Variants in IGSF1 observed in about 807,000 individuals in gnomAD.
IGSF1 encodes immunoglobulin superfamily member 1, also known as immunoglobulin-like domain-containing protein 1.
IGSF1 carries 40 observed loss-of-function variants against 95.3 expected under a neutral mutation model. The ratio of observed to expected loss-of-function variants is 0.42; its 90% CI spans 0.33 to 0.55. The LOEUF (loss-of-function observed/expected upper bound fraction) is 0.55. Ranked by LOEUF, IGSF1 falls within the 20% of genes least tolerant of loss-of-function variation. IGSF1 has a pLI of 0.10. For synonymous variants in IGSF1, 372 were observed against 382.9 expected, an observed-to-expected ratio of 0.97 and a Z score of 0.33; for missense variants, 906 against 1,025.4, an observed-to-expected ratio of 0.88 and a Z score of 1.59.
Position 131,273,829 on chromosome X carries a change from C to G in IGSF1, c.3978G>C (p.Gln1326His). 8.3e-7 allele frequency: 1 copy of G among 1,210,549 alleles called. No homozygotes were observed. Among genetic ancestry groups the G allele is most frequent in the Non-Finnish European group, 1.1e-6 (1 of 894,661 alleles). Reference sequence around the variant, plus strand: ...GAACGGGCAGTTCCACAGAGATTCTCTGAGAGGTTGATGAAGGAGAATTGG... The same window carrying G: ...GAACGGGCAGTTCCACAGAGATTCTGTGAGAGGTTGATGAAGGAGAATTGG... Reference protein sequence around the residue: ...TPANSPSSTSQRISVELPVPI With the variant: ...TPANSPSSTSHRISVELPVPI Residue 1326 changes from glutamine (Q) to histidine (H), a missense_variant, in exon 20 of 20, where the codon CAG becomes CAC. Gln to His is a conservative substitution (Grantham distance 24). This residue lies in a region of IGSF1 where 411 missense variants were observed against 494.9 expected (regional missense o/e 0.83). Coordinates refer to ENST00000361420, the MANE Select transcript of IGSF1 (RefSeq NM_001555.5).
At chrX:131,278,834 C>A in intron 11 of IGSF1, 83 bp from the exon 12 acceptor site, 2 of 882,516 alleles carry the variant, frequency 2.3e-6, no homozygotes, top group Non-Finnish European at 3.2e-6. Flanking sequence ...CTACCCAGAT[C>A]ACACTGCCCA....
intron 9 of IGSF1, 141 bp from the exon 10 acceptor site, chrX:131,279,482 T>C: frequency 2.0e-6 from 1 of 503,615 alleles, no homozygotes; most frequent in East Asian, 3.6e-5. Flanking sequence ...TATAATCTTA[T>C]TTGACATCAA....
At chrX:131,286,346 A>T (rs1044972464) in intron 3 of IGSF1, 91 bp downstream of exon 3, 4 of 782,509 alleles carry the variant, frequency 5.1e-6, no homozygotes, top group Non-Finnish European at 7.8e-6. Flanking sequence ...TATCTCTGGA[A>T]TCTCAAGGCA....
chrX:131,289,014 A>T (rs185569956), intron 1 of IGSF1, 200 bp downstream of exon 1: 1 of 273,484 alleles, frequency 3.7e-6, no homozygotes, highest in African/African-American at 2.8e-5. Context: ...GTGCCCAGAG[A>T]TTCTCACCGA....
rs768805436 is a variant in IGSF1 at position 131,277,236 on chromosome X, A to AAAAAAC, written c.2321-16_2321-11dup. ...GGCTTAGGGTACATTTCTAGAAGGC[A>AAAAAAC]AAAAACAAAAACAAAAACAAAAAAC... On this transcript the variant is annotated splice_polypyrimidine_tract_variant and intron_variant, in intron 13 of 19. Transcript: ENST00000361420. 6.1e-6 allele frequency: 7 copies of AAAAAAC among 1,156,429 alleles called. No homozygotes were observed. The South Asian group carries it at 1.0e-4, about 17-fold the overall frequency.
Position 131,273,964 on chromosome X carries a change from A to T in IGSF1, c.3876-33T>A, listed in dbSNP as rs1569400187. On this transcript the variant is annotated intron_variant, in intron 19 of 19. Transcript: ENST00000361420. ...AAGAAAAAGACATGAGTAAGGGAGG[A>T]CCCAGAAACTGAAAACAGATTGCAC... 10 of 1,204,837 alleles carry T rather than the reference A, an allele frequency of 8.3e-6. No individual in the cohort carries two copies. In the Middle Eastern group the frequency reaches 9.3e-4, roughly 112 times the overall value.
chrX:131,284,210 C>T, intron 5 of IGSF1: 1 of 350,550 alleles, frequency 2.9e-6, no homozygotes, highest in Non-Finnish European at 3.7e-6. Flanking sequence ...AGGCACTGTA[C>T]ATATATATTT....
chrX:131,277,848 A>C lies in IGSF1; in HGVS notation c.2320+8T>G. Reference sequence around the variant, plus strand: ...CCCCCTTTCCTCCCACACCCTTTTCAGCTCTACCTTTTATGACAAGCTCCA... The same window carrying C: ...CCCCCTTTCCTCCCACACCCTTTTCCGCTCTACCTTTTATGACAAGCTCCA... On this transcript the variant is annotated splice_region_variant and intron_variant, in intron 13 of 19. Transcript: ENST00000361420. 1 of 1,197,468 alleles carries C rather than the reference A, an allele frequency of 8.4e-7. No homozygotes were observed. Among genetic ancestry groups the C allele is most frequent in the Non-Finnish European group, 1.1e-6 (1 of 887,973 alleles).
Position 131,285,404 on chromosome X carries a change from C to T in IGSF1, c.442G>A (p.Val148Ile), listed in dbSNP as rs747566394. ...AGCCAGCCATGGCAGAGGATGTTAA[C>T]ATTACACCCAGGAAGAGCGGGGGTC... is the stretch of plus-strand genomic sequence containing the variant. ...AETPALPGCN[V>I]NILCHGWLQD... Residue 148 changes from valine (V) to isoleucine (I), a missense_variant, in exon 5 of 20, where the codon GTT becomes ATT. This residue lies in a region of IGSF1 where 442 missense variants were observed against 448.1 expected (regional missense o/e 0.99). Coordinates refer to ENST00000361420, the MANE Select transcript of IGSF1 (RefSeq NM_001555.5). 8.3e-7 allele frequency: 1 copy of T among 1,210,538 alleles called. No homozygotes were observed. The highest frequency in any genetic ancestry group is 1.1e-6 in the Non-Finnish European group (1 of 894,418).
At chrX:131,286,815 C>T in intron 1 of IGSF1, 74 bp from the exon 2 acceptor site, 1 of 445,353 alleles carries the variant, frequency 2.2e-6, no homozygotes, top group African/African-American at 2.5e-5. Flanking sequence ...CTAAATTGCA[C>T]TTGACAACCC....
rs17276763 is a variant in IGSF1 at position 131,276,823 on chromosome X, T to C, written c.2608+116A>G. 56,057 of 716,220 alleles carry C rather than the reference T, an allele frequency of 0.078. 2,127 individuals are homozygous for C. Among genetic ancestry groups the C allele is most frequent in the Admixed American group, 0.23 (8,158 of 36,230 alleles). The allele number at this position is 716,220 out of a possible 1,213,427, so 59.0% of individuals were successfully genotyped here. ...ACTGGTCACTATGGGCCAGCCGCTGTCCTAAGCACGTTCTCAGTGTGTTTT... is the reference window on the plus strand; with the variant it reads ...ACTGGTCACTATGGGCCAGCCGCTGCCCTAAGCACGTTCTCAGTGTGTTTT... On this transcript the variant is annotated intron_variant, in intron 14 of 19. Transcript: ENST00000361420.
intron 5 of IGSF1, chrX:131,284,110 G>T: frequency 1.4e-6 from 1 of 723,715 alleles, no homozygotes; most frequent in Non-Finnish European, 1.6e-6. Context: ...CATACACTCA[G>T]TTCAAACAGG....
Position 131,285,535 on chromosome X carries a change from A to G in IGSF1, c.380-69T>C, listed in dbSNP as rs2080622828. On this transcript the variant is annotated intron_variant, in intron 4 of 19. Coordinates refer to ENST00000361420, the MANE Select transcript of IGSF1 (RefSeq NM_001555.5). ...TACTGTCTAGGGAGCAGCAGAGGAG[A>G]GCTCTACTTTAATTGAGGTTTCCCT... is the stretch of plus-strand genomic sequence containing the variant. 3.8e-6 allele frequency: 4 copies of G among 1,059,563 alleles called. No homozygotes were observed. In the Admixed American group the frequency reaches 1.2e-4, roughly 31 times the overall value. The allele number at this position is 1,059,563 out of a possible 1,213,427, so 87.3% of individuals were successfully genotyped here.
Position 131,285,339 on chromosome X carries a change from T to C in IGSF1, c.507A>G (p.Ala169=), listed in dbSNP as rs749055446. The stretch of plus-strand genomic sequence containing the variant: ...TTGGGACTTGGTAATCCACAGGCTC[T>C]GCATATCCCTCTTTAAACAGCATGA... ...LVFMLFKEGY[A]EPVDYQVPTG... is the part of the protein sequence containing the mutation. Residue 169 remains alanine (A), a synonymous_variant, in exon 5 of 20, where the codon GCA becomes GCG. Transcript: ENST00000361420. 8.3e-7 allele frequency: 1 copy of C among 1,211,583 alleles called. No homozygotes were observed. Among genetic ancestry groups the C allele is most frequent in the Admixed American group, 2.2e-5 (1 of 46,055 alleles).
intron 13 of IGSF1, 132 bp downstream of exon 13, chrX:131,277,724 C>T (rs2080495129): frequency 1.4e-6 from 1 of 715,759 alleles, no homozygotes; most frequent in East Asian, 3.2e-5. Context: ...CCACGCCTGC[C>T]TGGCTCTAAG....
At chrX:131,280,775 G>A (rs960637760) in intron 9 of IGSF1, among the ~76,000 whole-genome samples, 3 of 112,085 alleles carry the variant, frequency 2.7e-5, no homozygotes, top group Non-Finnish European at 3.8e-5. Context: ...ACTAGGATGC[G>A]TCACAAGGCT....
At position 131,278,456 on chromosome X, in the gene IGSF1, C is replaced by T; in HGVS notation, c.2041+5G>A. The T allele has an allele frequency of 8.5e-7, 1 of 1,181,784 alleles. No individual in the cohort carries two copies. The highest frequency in any genetic ancestry group is 3.0e-5 in the East Asian group (1 of 33,492). Reference sequence around the variant, plus strand: ...AACTCCCGGAGACCCTCTACATTTTCTTACCTGTCCCCACCAGCTCAAGTG... The same window carrying T: ...AACTCCCGGAGACCCTCTACATTTTTTTACCTGTCCCCACCAGCTCAAGTG... On this transcript the variant is annotated splice_donor_5th_base_variant and intron_variant, in intron 12 of 19. Transcript: ENST00000361420.
rs765302808 is a variant in IGSF1, at chrX:131,273,972, A to T, written c.3876-41T>A. The T allele has an allele frequency of 4.8e-5, 58 of 1,202,955 alleles. 1 individual carries two copies. In the South Asian group the frequency reaches 1.0e-3, roughly 22 times the overall value. Reference sequence around the variant, plus strand: ...GACATGAGTAAGGGAGGACCCAGAAACTGAAAACAGATTGCACGGTGGGGC... The same window carrying T: ...GACATGAGTAAGGGAGGACCCAGAATCTGAAAACAGATTGCACGGTGGGGC... On this transcript the variant is annotated intron_variant, in intron 19 of 19. Coordinates refer to ENST00000361420, the MANE Select transcript of IGSF1 (RefSeq NM_001555.5).
intron 10 of IGSF1, 28 bp from the exon 11 acceptor site, chrX:131,279,203 G>C (rs934041167): frequency 8.3e-7 from 1 of 1,210,292 alleles, no homozygotes; most frequent in Non-Finnish European, 1.1e-6. Context: ...GCCAGGACTC[G>C]GCCCCCTCCC....
Sources: gnomAD v4.1 joint callset for allele counts (sites outside exome capture counted in the v4.1 genomes callset) on GRCh38, gnomAD v4.1.1 for gene constraint, gnomAD v4.1.1 regional missense constraint, MANE v1.5 for transcripts, NCBI Gene and HGNC (gene_info 2026-07-23, HGNC 2026-07-21) for gene names.